Variants in ARHGAP24 observed in about 807,000 individuals in gnomAD.
The protein encoded by ARHGAP24 is Rho GTPase activating protein 24.
In ARHGAP24, 50 loss-of-function variants were observed where a neutral mutation model predicts 76.4. The ratio of observed to expected loss-of-function variants is 0.65; its 90% confidence interval spans 0.52 to 0.83. The LOEUF (loss-of-function observed/expected upper bound fraction) is 0.83. Among genes scored for constraint, ARHGAP24 ranks in the 40% least tolerant of loss-of-function variants. ARHGAP24 has a pLI of 0.00. For missense variants in ARHGAP24, 930 were observed against 914.2 expected (o/e 1.02, Z -0.22); for synonymous variants, 345 against 323.3 (o/e 1.07, Z -0.72).
chr4:85,827,518 T>TGTGTGTG (rs1368669294), intron 3 of ARHGAP24, among the ~76,000 whole-genome samples: 44 of 57,912 alleles, frequency 7.6e-4, no homozygotes, highest in Middle Eastern at 9.4e-3. Context: ...GTGTGTGTGT[T>TGTGTGTG]TAGAGAGAGA....
chr4:85,869,115 G>T (rs950122050), intron 3 of ARHGAP24, among the ~76,000 whole-genome samples: 1 of 151,854 alleles, frequency 6.6e-6, no homozygotes, highest in Non-Finnish European at 1.5e-5. Flanking sequence ...TATTTCTTCC[G>T]GTGTATCAGT....
rs201125741 is a variant in ARHGAP24, at chr4:85,778,668, GT to G, written c.268+56704del. The G allele has an allele frequency of 1.2e-3, 1,177 of 983,662 alleles. 11 individuals carry two copies. In the African/African-American group the frequency reaches 0.019, roughly 16 times the overall value. 60.9% of individuals were successfully genotyped at this position (983,662 alleles called of 1,614,324 possible). A position where few individuals can be genotyped will look rare whatever the true frequency, so the allele number is the denominator to read the frequency against. On this transcript the variant is annotated intron_variant, in intron 3 of 9. Coordinates refer to ENST00000395184, the MANE Select transcript of ARHGAP24 (RefSeq NM_001025616.3). ...TTATTTAAGGTATATTTCCTTGTAGGTTTTTTTTCCCCTCTCTGTCTCTTTC... is the reference window on the plus strand; with the variant it reads ...TTATTTAAGGTATATTTCCTTGTAGGTTTTTTTCCCCTCTCTGTCTCTTTC...
chr4:85,972,124 G>C lies in ARHGAP24; in HGVS notation c.688G>C (p.Asp230His), dbSNP rs768296276. 16 of 1,613,848 alleles carry C rather than the reference G, an allele frequency of 9.9e-6. No homozygotes were observed. The highest frequency in any genetic ancestry group is 1.4e-5 in the Non-Finnish European group (16 of 1,179,980). The change falls in exon 6 of 10, where the codon GAT becomes CAT. Residue 230 changes from aspartate (D) to histidine (H), a missense_variant. Transcript: ENST00000395184. ...AGTTATTCCTTATGCGAAGTATGAA[G>C]ATTTTTTGTCATGTGCCAAACTGCT... Reference protein sequence around the residue: ...EPVIPYAKYEDFLSCAKLLSK... With the variant: ...EPVIPYAKYEHFLSCAKLLSK...
chr4:85,919,514 T>C (rs1735602952), intron 3 of ARHGAP24, among the ~76,000 whole-genome samples: 2 of 152,146 alleles, frequency 1.3e-5, no homozygotes, highest in African/African-American at 4.8e-5. Context: ...TTCTCAATCA[T>C]GCCCCACCCC....
intron 2 of ARHGAP24, among the ~76,000 whole-genome samples, chr4:85,660,561 G>C (rs1368227347): frequency 6.6e-6 from 1 of 152,058 alleles, no homozygotes; most frequent in Non-Finnish European, 1.5e-5. Flanking sequence ...ACTTTGGGAG[G>C]CTGAGGCAGG....
intron 3 of ARHGAP24, among the ~76,000 whole-genome samples, chr4:85,902,761 G>A (rs1430647108): frequency 6.6e-6 from 1 of 152,126 alleles, no homozygotes; most frequent in Non-Finnish European, 1.5e-5. Context: ...CCGCCACTGC[G>A]CTCATCTAAT....
chr4:85,483,225 A>T (rs371844203), intron 1 of ARHGAP24, among the ~76,000 whole-genome samples: 6 of 152,356 alleles, frequency 3.9e-5, no homozygotes, highest in African/African-American at 1.4e-4. Flanking sequence ...TGTAGGTCTT[A>T]ATCTAACAGT....
chr4:85,667,547 C>A (rs1241777057), intron 2 of ARHGAP24, among the ~76,000 whole-genome samples: 2 of 152,170 alleles, frequency 1.3e-5, no homozygotes, highest in Non-Finnish European at 2.9e-5. Flanking sequence ...TGAGATGAAC[C>A]CCGTACCTCA....
intron 4 of ARHGAP24, chr4:85,930,332 G>A (rs751351102): frequency 1.0e-6 from 1 of 986,726 alleles, no homozygotes; most frequent in Non-Finnish European, 1.2e-6. Flanking sequence ...AAGGATGGGG[G>A]GTGCTATAAA....
intron 1 of ARHGAP24, among the ~76,000 whole-genome samples, chr4:85,475,784 T>G (rs1395251902): frequency 6.6e-6 from 1 of 151,382 alleles, no homozygotes; most frequent in Non-Finnish European, 1.5e-5. Flanking sequence ...TGTGTTTGTG[T>G]GTGTGTGTGC....
chr4:85,524,499 C>G (rs998271373), intron 1 of ARHGAP24, among the ~76,000 whole-genome samples: 1 of 151,992 alleles, frequency 6.6e-6, no homozygotes, highest in Non-Finnish European at 1.5e-5. Flanking sequence ...TATGATGACC[C>G]ATGGCCATTC....
chr4:85,920,802 C>A (rs1243411823), intron 3 of ARHGAP24, among the ~76,000 whole-genome samples: 2 of 152,112 alleles, frequency 1.3e-5, no homozygotes, highest in African/African-American at 4.8e-5. Context: ...TAGAGAAATG[C>A]AAATCAAAAC....
rs200629975 is a variant in ARHGAP24, at chr4:85,745,897, T to TGCTA, written c.268+23927_268+23930dup. The stretch of plus-strand genomic sequence containing the variant: ...TGCCTAGCCTGGCTCTGCAGCATGA[T>TGCTA]GCTAGGTACTATGATTCCAAAACCC... On this transcript the variant is annotated intron_variant, in intron 3 of 9. Coordinates refer to ENST00000395184, the MANE Select transcript of ARHGAP24 (RefSeq NM_001025616.3). 7.2e-3 allele frequency among the ~76,000 whole-genome samples: 1,092 copies of TGCTA among 152,290 alleles called. 15 individuals are homozygous for TGCTA. The highest frequency in any genetic ancestry group is 0.024 in the African/African-American group (988 of 41,558).
At chr4:85,586,206 A>G (rs1178171627) in intron 2 of ARHGAP24, among the ~76,000 whole-genome samples, 4 of 137,214 alleles carry the variant, frequency 2.9e-5, no homozygotes, top group Non-Finnish European at 6.6e-5. Context: ...TGGAGTGGTA[A>G]GAATGGAGAC....
At chr4:85,585,587 A>G (rs1490142114) in intron 2 of ARHGAP24, among the ~76,000 whole-genome samples, 1 of 152,256 alleles carries the variant, frequency 6.6e-6, no homozygotes, top group Non-Finnish European at 1.5e-5. Flanking sequence ...GATGTTGAAG[A>G]ATAGATTTTG....
Position 85,942,113 on chromosome 4 carries a change from T to G in ARHGAP24, c.439T>G (p.Tyr147Asp), listed in dbSNP as rs1392747934. The G allele has an allele frequency of 3.1e-6, 5 of 1,613,964 alleles. No individual in the cohort carries two copies. Among genetic ancestry groups the G allele is most frequent in the Non-Finnish European group, 4.2e-6 (5 of 1,180,006 alleles). Residue 147 changes from tyrosine (Y) to aspartate (D), a missense_variant, in exon 5 of 10, where the codon TAT becomes GAT. Transcript: ENST00000395184. ...GGATACTGTTCGTTATGAGAAGAGA[T>G]ATGGGAACCGTCTGGCTCCGATGTT... ...LEDTVRYEKR[Y>D]GNRLAPMLVE...
chr4:85,735,687 C>T (rs1725581596), intron 3 of ARHGAP24, among the ~76,000 whole-genome samples: 1 of 152,102 alleles, frequency 6.6e-6, no homozygotes, highest in African/African-American at 2.4e-5. Context: ...CCTCTTTGTC[C>T]TGGAGCACTG....
intron 8 of ARHGAP24, among the ~76,000 whole-genome samples, chr4:85,988,466 C>T (rs997630432): frequency 6.6e-6 from 1 of 151,260 alleles, no homozygotes; most frequent in African/African-American, 2.4e-5. Context: ...AATTTGTATG[C>T]AAAGTGTTGC....
At chr4:85,861,030 T>A (rs1198637627) in intron 3 of ARHGAP24, among the ~76,000 whole-genome samples, 1 of 142,240 alleles carries the variant, frequency 7.0e-6, no homozygotes, top group Non-Finnish European at 1.6e-5. Flanking sequence ...ACACACACAC[T>A]CTTTCAAACA....
Sources: gnomAD v4.1 joint callset for allele counts (sites outside exome capture counted in the v4.1 genomes callset) on GRCh38, gnomAD v4.1.1 for gene constraint, MANE v1.5 for transcripts, NCBI Gene and HGNC (gene_info 2026-07-23, HGNC 2026-07-21) for gene names.